Variants in LASP1 observed in about 807,000 individuals in gnomAD.
LASP1 encodes LIM and SH3 domain protein 1.
LASP1 carries 10 observed loss-of-function variants against 38.6 expected under a neutral mutation model. That is an observed-to-expected ratio of 0.26 (90% CI 0.16 to 0.44). LASP1 has a LOEUF of 0.44. Ranked by LOEUF, LASP1 falls within the 20% of genes least tolerant of loss-of-function variation. LASP1 has a pLI of 1.00. For synonymous variants in LASP1, 132 were observed against 140.8 expected (o/e 0.94, Z 0.44); for missense variants, 243 against 375.7 (o/e 0.65, Z 2.92).
chr17:38,915,210 C>T (rs1462075130), intron 6 of LASP1, 64 bp downstream of exon 6: 2 of 1,313,592 alleles, frequency 1.5e-6, no homozygotes, highest in Non-Finnish European at 2.2e-6. Context: ...GGCTTGGACA[C>T]AGCTCATGGA....
chr17:38,899,999 A>AGAT (rs1261522161), intron 4 of LASP1, among the ~76,000 whole-genome samples: 1 of 151,658 alleles, frequency 6.6e-6, no homozygotes, highest in Non-Finnish European at 1.5e-5. Flanking sequence ...CAAAGTGCTA[A>AGAT]GATTACAGGT....
chr17:38,912,889 C>T (rs1236124295), intron 4 of LASP1, among the ~76,000 whole-genome samples: 1 of 152,190 alleles, frequency 6.6e-6, no homozygotes, highest in East Asian at 1.9e-4. Flanking sequence ...AGGTTTCTTT[C>T]TGGTAGTGGA....
intron 2 of LASP1, among the ~76,000 whole-genome samples, chr17:38,880,590 G>A (rs560308526): frequency 1.3e-5 from 2 of 152,320 alleles, no homozygotes; most frequent in South Asian, 4.1e-4. Flanking sequence ...ATGTTTCCTG[G>A]GAAGGAGCCT....
intron 4 of LASP1, among the ~76,000 whole-genome samples, chr17:38,899,657 G>A (rs964304144): frequency 1.3e-5 from 2 of 151,968 alleles, no homozygotes; most frequent in East Asian, 1.9e-4. Flanking sequence ...TGTACGTCTT[G>A]ACCCATCTGA....
At position 38,899,719 on chromosome 17, in the gene LASP1, G is replaced by A. The variant is rs145083964; in HGVS notation, c.357+1200G>A. Among the ~76,000 whole-genome samples the A allele has an allele frequency of 2.5e-3, 371 of 150,546 alleles. 8 individuals carry two copies. In the South Asian group the frequency reaches 0.036, roughly 15 times the overall value. ...ACAGAATGGAAGCTTTCATGAATGA[G>A]TACTTCCTACTTAGAGGGCGTTCAG... On this transcript the variant is annotated intron_variant, in intron 4 of 6. Transcript: ENST00000318008.
chr17:38,877,741 T>C (rs1406098536), intron 1 of LASP1, among the ~76,000 whole-genome samples: 1 of 152,116 alleles, frequency 6.6e-6, no homozygotes, highest in Non-Finnish European at 1.5e-5. Flanking sequence ...CAATGAGGCC[T>C]CGCCAGCTCT....
intron 4 of LASP1, among the ~76,000 whole-genome samples, chr17:38,911,548 C>A (rs1161367829): frequency 6.6e-6 from 1 of 152,204 alleles, no homozygotes; most frequent in Non-Finnish European, 1.5e-5. Context: ...CCCCACCACC[C>A]CAGCCAGGGG....
chr17:38,884,960 G>A (rs1005230516), intron 2 of LASP1, among the ~76,000 whole-genome samples: 2 of 152,148 alleles, frequency 1.3e-5, no homozygotes, highest in Non-Finnish European at 2.9e-5. Flanking sequence ...CAAAGTGCTG[G>A]CATTTCGTGC....
intron 4 of LASP1, among the ~76,000 whole-genome samples, chr17:38,901,915 G>C (rs904996282): frequency 6.6e-6 from 1 of 151,838 alleles, no homozygotes; most frequent in Non-Finnish European, 1.5e-5. Context: ...ACAGGCGCCC[G>C]CCACCACGCC....
chr17:38,873,483 A>G (rs1913668130), intron 1 of LASP1, among the ~76,000 whole-genome samples: 1 of 152,196 alleles, frequency 6.6e-6, no homozygotes, highest in Non-Finnish European at 1.5e-5. Flanking sequence ...ATTCACATCC[A>G]CAGTTCTTTC....
chr17:38,921,651 C>T lies in LASP1; in HGVS notation c.*2873C>T, dbSNP rs575940286. 265 of 232,530 alleles carry T rather than the reference C, an allele frequency of 1.1e-3. 1 individual carries two copies. The highest frequency in any genetic ancestry group is 1.9e-3 in the Non-Finnish European group (224 of 117,556). 14.4% of individuals were successfully genotyped at this position (232,530 alleles called of 1,614,324 possible). On this transcript the variant is annotated 3_prime_UTR_variant, in exon 7 of 7. Transcript: ENST00000318008. The stretch of plus-strand genomic sequence containing the variant: ...TTTGGTCTGTTTTGGTCCCCTCCCT[C>T]GTGGGCTTGTGCTCGGGATCAAACC...
intron 1 of LASP1, among the ~76,000 whole-genome samples, chr17:38,873,723 G>A (rs1285378856): frequency 3.3e-5 from 5 of 152,174 alleles, no homozygotes; most frequent in Non-Finnish European, 5.9e-5. Flanking sequence ...TAAGCCAGCG[G>A]GTCAGGTGGC....
chr17:38,871,446 A>G (rs1271856527), intron 1 of LASP1, among the ~76,000 whole-genome samples: 1 of 151,966 alleles, frequency 6.6e-6, no homozygotes, highest in African/African-American at 2.4e-5. Context: ...AAGTCCAAGT[A>G]TTCTGTCCTT....
At chr17:38,886,841 G>A (rs1303929429) in intron 2 of LASP1, among the ~76,000 whole-genome samples, 1 of 152,188 alleles carries the variant, frequency 6.6e-6, no homozygotes, top group Non-Finnish European at 1.5e-5. Flanking sequence ...CTGTGGAATG[G>A]GTGGGGCACG....
At position 38,921,174 on chromosome 17, in the gene LASP1, A is replaced by T. The variant is rs1002109921; in HGVS notation, c.*2396A>T. ...AAACCATCCATCCCTAGAAGAGCAC[A>T]GAGCCCTGAGGGGCTGGGCTGGGCT... is the stretch of plus-strand genomic sequence containing the variant. On this transcript the variant is annotated 3_prime_UTR_variant, in exon 7 of 7. Coordinates refer to ENST00000318008, the MANE Select transcript of LASP1 (RefSeq NM_006148.4). 8.7e-6 allele frequency: 2 copies of T among 229,462 alleles called. No homozygotes were observed. Among genetic ancestry groups the T allele is most frequent in the African/African-American group, 4.4e-5 (2 of 45,076 alleles). 14.2% of individuals were successfully genotyped at this position (229,462 alleles called of 1,614,324 possible). A position where few individuals can be genotyped will look rare whatever the true frequency, so the allele number is the denominator to read the frequency against.
chr17:38,879,664 A>G (rs1913885289), intron 2 of LASP1, among the ~76,000 whole-genome samples: 1 of 151,516 alleles, frequency 6.6e-6, no homozygotes, highest in African/African-American at 2.4e-5. Flanking sequence ...AAGGGGGCTT[A>G]AACCTCCAGC....
At chr17:38,876,510 C>T (rs1057293627) in intron 1 of LASP1, among the ~76,000 whole-genome samples, 5 of 150,932 alleles carry the variant, frequency 3.3e-5, no homozygotes, top group Admixed American at 1.3e-4. Flanking sequence ...ACAGGCACGC[C>T]GTCACTGCAC....
intron 4 of LASP1, among the ~76,000 whole-genome samples, chr17:38,907,326 T>A (rs1438448203): frequency 6.6e-6 from 1 of 152,160 alleles, no homozygotes; most frequent in Non-Finnish European, 1.5e-5. Flanking sequence ...CTGATTATCA[T>A]TCTTGTTGAG....
chr17:38,870,077 C>G lies in LASP1; in HGVS notation c.-113C>G, dbSNP rs1281234833. The G allele has an allele frequency of 2.6e-6, 3 of 1,149,514 alleles. No homozygotes were observed. Among genetic ancestry groups the G allele is most frequent in the Non-Finnish European group, 3.8e-6 (3 of 787,242 alleles). The allele number at this position is 1,149,514 out of a possible 1,614,324, so 71.2% of individuals were successfully genotyped here. On this transcript the variant is annotated 5_prime_UTR_variant, in exon 1 of 7. Coordinates refer to ENST00000318008, the MANE Select transcript of LASP1 (RefSeq NM_006148.4). ...GCGGAGGCCAGTTCCCCAGCTCCAG[C>G]CGCCGTCGCTGCTGCCTGTGTAGTT...
Sources: gnomAD v4.1 joint callset for allele counts (sites outside exome capture counted in the v4.1 genomes callset) on GRCh38, gnomAD v4.1.1 for gene constraint, MANE v1.5 for transcripts, NCBI Gene and HGNC (gene_info 2026-07-23, HGNC 2026-07-21) for gene names.